MROH1: variants seen among roughly 807,000 people sequenced by gnomAD.
The protein encoded by MROH1 is maestro heat-like repeat-containing protein family member 1.
Under a neutral mutation model 116.5 loss-of-function variants are expected in MROH1, and 117 were observed. That is an observed-to-expected ratio of 1.00 (90% confidence interval 0.86 to 1.17). The LOEUF (loss-of-function observed/expected upper bound fraction) is 1.17, where lower values mean the gene tolerates loss of function less well. Ranked by LOEUF, MROH1 falls within the 50% of genes most tolerant of loss-of-function variation. MROH1 has a pLI of 0.00. For synonymous variants in MROH1, 921 were observed against 583.9 expected, an observed-to-expected ratio of 1.58 and a Z score of -8.32; for missense variants, 1,873 against 1,338.5, an observed-to-expected ratio of 1.40 and a Z score of -6.23.
In MROH1 at chr8:144,239,884, A is replaced by C. The variant is rs1840673457; in HGVS notation, c.1774+129A>C. The C allele has an allele frequency of 4.5e-6, 3 of 673,680 alleles. No homozygotes were observed. The African/African-American group carries it at 5.4e-5, about 12-fold the overall frequency. The allele number at this position is 673,680 out of a possible 1,614,324, so 41.7% of individuals were successfully genotyped here. On this transcript the variant is annotated intron_variant, in intron 18 of 43. Coordinates refer to ENST00000326134, the MANE Select transcript of MROH1 (RefSeq NM_032450.3). The stretch of plus-strand genomic sequence containing the variant: ...TGGCCAATGGGGACTAGGGTTGTAT[A>C]ATTGGAAAATACAGTCTCCCCTGTT...
chr8:144,223,739 C>T (rs1254016966), intron 14 of MROH1, among the ~76,000 whole-genome samples: 1 of 152,222 alleles, frequency 6.6e-6, no homozygotes, highest in East Asian at 1.9e-4. Flanking sequence ...CTCTGTCACC[C>T]TGAGCTGCAG....
At chr8:144,243,970 C>A in intron 26 of MROH1, 28 bp downstream of exon 26, 1 of 775,122 alleles carries the variant, frequency 1.3e-6, no homozygotes, top group South Asian at 1.4e-5. Context: ...TGCACAGGCC[C>A]GTGCAGCTGC....
chr8:144,161,316 TG>T (rs1819465294), intron 2 of MROH1, among the ~76,000 whole-genome samples: 2 of 152,262 alleles, frequency 1.3e-5, no homozygotes, highest in South Asian at 2.1e-4. Context: ...GATTAGGGTG[TG>T]GGAAGCTTTG....
intron 10 of MROH1, 81 bp downstream of exon 10, chr8:144,192,482 C>A: frequency 7.8e-7 from 1 of 1,288,810 alleles, no homozygotes; most frequent in Non-Finnish European, 1.1e-6. Flanking sequence ...GTGCAGAAAG[C>A]AAGTTGGGGT....
chr8:144,253,882 C>T (rs1435146078), intron 33 of MROH1, among the ~76,000 whole-genome samples: 1 of 151,994 alleles, frequency 6.6e-6, no homozygotes, highest in African/African-American at 2.4e-5. Context: ...CTCCTAGCAC[C>T]GCATCTGTCC....
chr8:144,246,896 G>A (rs1842009527), intron 29 of MROH1, among the ~76,000 whole-genome samples: 1 of 152,224 alleles, frequency 6.6e-6, no homozygotes, highest in Non-Finnish European at 1.5e-5. Flanking sequence ...CAGTCAGGGT[G>A]TGAGGGGGTC....
At chr8:144,199,597 C>T (rs1342216315) in intron 11 of MROH1, among the ~76,000 whole-genome samples, 1 of 152,220 alleles carries the variant, frequency 6.6e-6, no homozygotes. Flanking sequence ...CATGACCCAC[C>T]TGGAGGTGCC....
chr8:144,241,550 G>A lies in MROH1; in HGVS notation c.2178+33G>A, dbSNP rs35825320. 9.3e-3 allele frequency: 7,249 copies of A among 776,842 alleles called. 370 individuals carry two copies. The African/African-American group carries it at 0.11, about 12-fold the overall frequency. 48.1% of individuals were successfully genotyped at this position (776,842 alleles called of 1,614,324 possible). On this transcript the variant is annotated intron_variant, in intron 22 of 43. Transcript: ENST00000326134. ...TGACACCGGTGCAGGGCTGGGGACGGCTGTCTATCCACAAGTTTGAGGCTC... is the reference window on the plus strand; with the variant it reads ...TGACACCGGTGCAGGGCTGGGGACGACTGTCTATCCACAAGTTTGAGGCTC...
rs1437256015 is a variant in MROH1 at position 144,243,437 on chromosome 8, C to T, written c.2353-57C>T. ...CAGAGGAAAGAAAAGGGGGTATGCG[C>T]GGGTTCAGCCCTGGAGGGCGGGCGT... On this transcript the variant is annotated intron_variant, in intron 24 of 43. Coordinates refer to ENST00000326134, the MANE Select transcript of MROH1 (RefSeq NM_032450.3). 7.1e-5 allele frequency: 55 copies of T among 772,528 alleles called. 2 individuals are homozygous for T. The highest frequency in any genetic ancestry group is 5.1e-4 in the African/African-American group (30 of 59,218). 47.9% of individuals were successfully genotyped at this position (772,528 alleles called of 1,614,324 possible).
At chr8:144,192,261 G>A (rs755794764) in intron 9 of MROH1, 48 bp from the exon 10 acceptor site, 31 of 1,495,104 alleles carry the variant, frequency 2.1e-5, no homozygotes, top group African/African-American at 5.5e-5. Flanking sequence ...TAGTCAGTTC[G>A]GGCGGCTGGA....
intron 1 of MROH1, among the ~76,000 whole-genome samples, chr8:144,149,135 G>A (rs1816128528): frequency 6.6e-6 from 1 of 152,140 alleles, no homozygotes; most frequent in Non-Finnish European, 1.5e-5. Flanking sequence ...GGCGAGGCGA[G>A]GGCTGGAGAT....
intron 14 of MROH1, among the ~76,000 whole-genome samples, chr8:144,229,894 C>T (rs117123242): frequency 0.027 from 4,135 of 152,078 alleles, 78 homozygotes; most frequent in Non-Finnish European, 0.041. Flanking sequence ...ATTAGCTAAG[C>T]GTGGTGGACC....
chr8:144,232,064 A>G (rs1554823062), intron 14 of MROH1, among the ~76,000 whole-genome samples: 1 of 152,222 alleles, frequency 6.6e-6, no homozygotes, highest in African/African-American at 2.4e-5. Flanking sequence ...AGCGATTTGG[A>G]AATGTACAAT....
chr8:144,183,001 C>T (rs759685050), intron 7 of MROH1, among the ~76,000 whole-genome samples: 4 of 152,056 alleles, frequency 2.6e-5, no homozygotes, highest in Non-Finnish European at 4.4e-5. Flanking sequence ...GCTTGAACCT[C>T]GGAGGCGGAG....
At position 144,260,484 on chromosome 8, in the gene MROH1, T is replaced by A. The variant is rs2130074019; in HGVS notation, c.4380+110T>A. ...CTCCCTGTCTCCCACCTCGGCTAGG[T>A]GACCGTGGAGAGCGCGGACCTGCAG... On this transcript the variant is annotated intron_variant, in intron 39 of 43. Transcript: ENST00000326134. The A allele has an allele frequency of 4.3e-6, 3 of 698,172 alleles. No homozygotes were observed. The East Asian group carries it at 8.0e-5, about 19-fold the overall frequency. 43.2% of individuals were successfully genotyped at this position (698,172 alleles called of 1,614,324 possible). A position where few individuals can be genotyped will look rare whatever the true frequency, so the allele number is the denominator to read the frequency against.
At chr8:144,195,552 G>C (rs1327697785) in intron 10 of MROH1, among the ~76,000 whole-genome samples, 1 of 150,076 alleles carries the variant, frequency 6.7e-6, no homozygotes, top group Non-Finnish European at 1.5e-5. Flanking sequence ...CTGTTGCCCA[G>C]GCTGGTCTCC....
At chr8:144,252,264 C>T (rs1842962268) in intron 33 of MROH1, 1 of 153,100 alleles carries the variant, frequency 6.5e-6, no homozygotes, top group Admixed American at 6.5e-5. Context: ...TGGCTCATAC[C>T]TGTAATCCCA....
At chr8:144,158,275 G>C (rs1488696222) in intron 1 of MROH1, among the ~76,000 whole-genome samples, 1 of 152,050 alleles carries the variant, frequency 6.6e-6, no homozygotes, top group African/African-American at 2.4e-5. Context: ...TTACAGATGT[G>C]AGCCACCACG....
chr8:144,239,039 T>C lies in MROH1; in HGVS notation c.1451T>C (p.Leu484Pro). 1 of 778,110 alleles carries C rather than the reference T, an allele frequency of 1.3e-6. No individual in the cohort carries two copies. The allele number at this position is 778,110 out of a possible 1,614,324, so 48.2% of individuals were successfully genotyped here. ...CCAGGCCCTCTGCTCCCCTAGGTCCTCTGGCCATACCTGCTCCAGTTCCTC... is the reference window on the plus strand; with the variant it reads ...CCAGGCCCTCTGCTCCCCTAGGTCCCCTGGCCATACCTGCTCCAGTTCCTC... The part of the protein sequence containing the change: ...STTVDRMSHV[L>P]WPYLLQFLTP... The change falls in exon 16 of 44, where the codon CTC becomes CCC. Residue 484 changes from leucine (L) to proline (P), a missense_variant. By Grantham distance (98) the Leu-to-Pro change is moderately conservative (BLOSUM62 -3). Transcript: ENST00000326134.
Sources: gnomAD v4.1 joint callset for allele counts (sites outside exome capture counted in the v4.1 genomes callset) on GRCh38, gnomAD v4.1.1 for gene constraint, MANE v1.5 for transcripts, NCBI Gene and HGNC (gene_info 2026-07-23, HGNC 2026-07-21) for gene names.